The following DOCK4 variants were observed in gnomAD, a reference collection of about 807,000 sequenced individuals.
DOCK4 encodes dedicator of cytokinesis 4, also known as dedicator of cytokinesis protein 4.
A neutral mutation model predicts 268.1 loss-of-function variants in DOCK4; 97 were observed. The observed-to-expected ratio is 0.36, with a 90% CI of 0.31 to 0.43. DOCK4 has a LOEUF of 0.43. DOCK4 is among the 20% of genes least tolerant of loss of function. The pLI is 1.00. For missense variants in DOCK4, 2,145 were observed against 2,455.7 expected (o/e 0.87, Z 2.67); for synonymous variants, 954 against 887.2 (o/e 1.08, Z -1.34).
At chr7:111,963,309 C>G (rs1319136327) in intron 8 of DOCK4, among the ~76,000 whole-genome samples, 1 of 144,286 alleles carries the variant, frequency 6.9e-6, no homozygotes, top group East Asian at 2.1e-4. Flanking sequence ...GTTCATCTCA[C>G]TAGGGAGTGC....
intron 1 of DOCK4, among the ~76,000 whole-genome samples, chr7:112,106,797 T>A (rs1478397210): frequency 6.6e-6 from 1 of 152,230 alleles, no homozygotes; most frequent in Non-Finnish European, 1.5e-5. Flanking sequence ...AGTTCCACCC[T>A]GACCTTTTTT....
intron 1 of DOCK4, among the ~76,000 whole-genome samples, chr7:112,205,238 T>C (rs1821294194): frequency 6.6e-6 from 1 of 152,116 alleles, no homozygotes; most frequent in South Asian, 2.1e-4. Context: ...CCTGTTCCTT[T>C]TTCTCCGAAC....
At chr7:112,203,969 G>T (rs1821164825) in intron 1 of DOCK4, among the ~76,000 whole-genome samples, 1 of 152,044 alleles carries the variant, frequency 6.6e-6, no homozygotes, top group African/African-American at 2.4e-5. Context: ...GTGATATTGA[G>T]AACAACAGCA....
intron 1 of DOCK4, among the ~76,000 whole-genome samples, chr7:112,123,708 T>C (rs941854424): frequency 1.3e-5 from 2 of 152,220 alleles, no homozygotes; most frequent in African/African-American, 4.8e-5. Flanking sequence ...ACTTGTATAT[T>C]CCAGAACCAT....
chr7:112,193,942 C>T (rs2116819922), intron 1 of DOCK4, among the ~76,000 whole-genome samples: 1 of 152,108 alleles, frequency 6.6e-6, no homozygotes, highest in African/African-American at 2.4e-5. Context: ...TCTCATGCTA[C>T]CTATGAAGAG....
chr7:112,075,921 C>T (rs929560042), intron 1 of DOCK4, among the ~76,000 whole-genome samples: 1 of 152,108 alleles, frequency 6.6e-6, no homozygotes, highest in East Asian at 1.9e-4. Context: ...AGTACAATTA[C>T]CATTTACTCA....
intron 1 of DOCK4, among the ~76,000 whole-genome samples, chr7:112,048,218 A>G (rs1804997456): frequency 6.6e-6 from 1 of 151,984 alleles, no homozygotes; most frequent in Non-Finnish European, 1.5e-5. Flanking sequence ...TCATAATTAA[A>G]CGACTTAGAG....
At chr7:112,051,510 A>G (rs1300624263) in intron 1 of DOCK4, among the ~76,000 whole-genome samples, 1 of 152,140 alleles carries the variant, frequency 6.6e-6, no homozygotes, top group Non-Finnish European at 1.5e-5. Flanking sequence ...TAGGGGAAGA[A>G]TTAGTAGGCT....
chr7:111,975,128 G>A (rs387371), intron 8 of DOCK4, among the ~76,000 whole-genome samples: 3 of 152,118 alleles, frequency 2.0e-5, no homozygotes, highest in Admixed American at 6.6e-5. Context: ...TTAGCTGGGC[G>A]TGGTGGCGGG....
At chr7:112,018,966 A>G (rs1365206482) in intron 1 of DOCK4, among the ~76,000 whole-genome samples, 2 of 152,184 alleles carry the variant, frequency 1.3e-5, no homozygotes, top group Admixed American at 6.5e-5. Context: ...TCTGACCATC[A>G]ACAGAGGTGA....
rs1445871240 is a variant in DOCK4 at position 111,748,011 on chromosome 7, G to T, written c.4417-568C>A. Among the ~76,000 whole-genome samples, 3 of 152,144 alleles carry T rather than the reference G, an allele frequency of 2.0e-5. No homozygotes were observed. The East Asian group carries it at 5.8e-4, about 29-fold the overall frequency. On this transcript the variant is annotated intron_variant, in intron 42 of 52. Transcript: ENST00000428084. ...TATAGAAAACAAGATAATATATACTGCAGGATCTATTTGTTGGAGAGCCAA... is the reference window on the plus strand; with the variant it reads ...TATAGAAAACAAGATAATATATACTTCAGGATCTATTTGTTGGAGAGCCAA...
chr7:111,736,203 A>T (rs1795459784), intron 50 of DOCK4, among the ~76,000 whole-genome samples: 1 of 152,224 alleles, frequency 6.6e-6, no homozygotes, highest in South Asian at 2.1e-4. Context: ...GCACTTTCCC[A>T]GACTATTTCA....
chr7:112,066,724 T>C lies in DOCK4; in HGVS notation c.38-62593A>G, dbSNP rs1201745722. On this transcript the variant is annotated intron_variant, in intron 1 of 52. Transcript: ENST00000428084. ...ATATATATATATATATATATATATA[T>C]ATATATATATATATATATCTCCTAT... 1.4e-4 allele frequency among the ~76,000 whole-genome samples: 14 copies of C among 98,332 alleles called. 1 individual carries two copies. The highest frequency in any genetic ancestry group is 6.7e-4 in the South Asian group (2 of 2,970). The allele number at this position is 98,332 out of a possible 152,430, so 64.5% of individuals were successfully genotyped here.
At chr7:111,893,913 T>C (rs1243059884) in intron 16 of DOCK4, among the ~76,000 whole-genome samples, 1 of 152,214 alleles carries the variant, frequency 6.6e-6, no homozygotes, top group Non-Finnish European at 1.5e-5. Context: ...GAAATATACA[T>C]TCTATAAAAA....
rs183544919 is a variant in DOCK4, at chr7:111,767,570, C to T, written c.3829-452G>A. Reference sequence around the variant, plus strand: ...CACCTTGAGACTTCAAGCTTGAAAACACCATGTAATTGAAATGTAAATTAT... The same window carrying T: ...CACCTTGAGACTTCAAGCTTGAAAATACCATGTAATTGAAATGTAAATTAT... On this transcript the variant is annotated intron_variant, in intron 37 of 52. Transcript: ENST00000428084. 4.2e-4 allele frequency among the ~76,000 whole-genome samples: 64 copies of T among 152,252 alleles called. 1 individual carries two copies. Among genetic ancestry groups the T allele is most frequent in the African/African-American group, 1.4e-3 (59 of 41,558 alleles).
intron 17 of DOCK4, among the ~76,000 whole-genome samples, chr7:111,876,701 A>G (rs867308897): frequency 6.6e-6 from 1 of 151,490 alleles, no homozygotes; most frequent in Admixed American, 6.6e-5. Context: ...TGCAATTAGC[A>G]CTGTTTATGG....
intron 1 of DOCK4, among the ~76,000 whole-genome samples, chr7:112,058,024 ATTTTTTTT>A (rs67991598): frequency 6.1e-5 from 7 of 115,052 alleles, no homozygotes; most frequent in South Asian, 3.1e-4. Context: ...TACAGGTTCA[ATTTTTTTT>A]TTTTTTTTTT....
intron 36 of DOCK4, among the ~76,000 whole-genome samples, chr7:111,770,290 G>A (rs1310839445): frequency 6.6e-6 from 1 of 151,746 alleles, no homozygotes; most frequent in Non-Finnish European, 1.5e-5. Context: ...GGGTGGAAGT[G>A]CTGCATGAGG....
At chr7:112,087,186 T>C (rs1432457824) in intron 1 of DOCK4, among the ~76,000 whole-genome samples, 2 of 152,100 alleles carry the variant, frequency 1.3e-5, no homozygotes, top group African/African-American at 4.8e-5. Flanking sequence ...ACACCTGTAG[T>C]TCTTGATTAA....
Sources: allele counts gnomAD v4.1 joint callset (sites outside exome capture counted in the v4.1 genomes callset), GRCh38; gene constraint gnomAD v4.1.1; transcripts MANE v1.5; gene names NCBI Gene and HGNC (gene_info 2026-07-23, HGNC 2026-07-21).